The following VWA2 variants were observed in gnomAD, a reference collection of about 807,000 sequenced individuals.
VWA2 encodes the protein von Willebrand factor A domain-containing protein 2.
VWA2 carries 73 observed loss-of-function variants against 70.4 expected under a neutral mutation model. The ratio of observed to expected loss-of-function variants is 1.04; its 90% CI spans 0.86 to 1.26. The LOEUF is 1.26. VWA2 is among the 50% of genes most tolerant of loss of function. The pLI is 0.00. For missense variants in VWA2, 1,011 were observed against 998.5 expected, an observed-to-expected ratio of 1.01 and a Z score of -0.17; for synonymous variants, 407 against 423.3, an observed-to-expected ratio of 0.96 and a Z score of 0.47.
At chr10:114,241,701 T>G (rs2036976805) in intron 1 of VWA2, among the ~76,000 whole-genome samples, 1 of 152,148 alleles carries the variant, frequency 6.6e-6, no homozygotes, top group Admixed American at 6.5e-5. Context: ...CTTAATAATT[T>G]TTACTGGGTA....
intron 13 of VWA2, 140 bp from the exon 14 acceptor site, chr10:114,291,078 G>T: frequency 1.0e-6 from 1 of 969,710 alleles, no homozygotes; most frequent in Non-Finnish European, 1.6e-6. Context: ...ATCACATGGG[G>T]TCTCTAATCT....
chr10:114,243,267 T>C (rs1207806170), intron 1 of VWA2, among the ~76,000 whole-genome samples: 4 of 152,210 alleles, frequency 2.6e-5, no homozygotes, highest in Non-Finnish European at 5.9e-5. Context: ...GCATGTTGCT[T>C]ATTTCTTGGT....
chr10:114,263,626 C>T (rs1589752255), intron 5 of VWA2, among the ~76,000 whole-genome samples: 1 of 151,938 alleles, frequency 6.6e-6, no homozygotes, highest in Non-Finnish European at 1.5e-5. Flanking sequence ...TGTGAGCCAC[C>T]GTGCCTGGCC....
chr10:114,245,329 ATGTGGCAGGAACCTTC>A (rs543066509), intron 1 of VWA2, among the ~76,000 whole-genome samples: 149 of 152,282 alleles, frequency 9.8e-4, no homozygotes, highest in African/African-American at 3.5e-3. Context: ...GTGCCTTCCT[ATGTGGCAGGAACCTTC>A]TGTACTTCCT....
chr10:114,266,321 G>A (rs924504308), intron 5 of VWA2, among the ~76,000 whole-genome samples: 39 of 151,896 alleles, frequency 2.6e-4, no homozygotes, highest in African/African-American at 9.0e-4. Context: ...ATTAAACTTT[G>A]TAGGTACGTA....
At chr10:114,253,502 T>C in intron 2 of VWA2, 149 bp from the exon 3 acceptor site, 1 of 684,818 alleles carries the variant, frequency 1.5e-6, no homozygotes, top group Non-Finnish European at 2.6e-6. Flanking sequence ...ATGTTATCCG[T>C]CTGGTAATTT....
intron 5 of VWA2, among the ~76,000 whole-genome samples, chr10:114,272,397 A>T (rs577382969): frequency 6.6e-6 from 1 of 150,890 alleles, no homozygotes; most frequent in Non-Finnish European, 1.5e-5. Context: ...TGTAACAAGA[A>T]GATGATGCAG....
intron 2 of VWA2, among the ~76,000 whole-genome samples, chr10:114,250,817 C>G (rs1174230376): frequency 1.3e-5 from 2 of 152,240 alleles, no homozygotes; most frequent in Non-Finnish European, 2.9e-5. Flanking sequence ...CTCTGGAGTC[C>G]TGGGCACAGT....
At chr10:114,255,644 C>A (rs965188689) in intron 4 of VWA2, among the ~76,000 whole-genome samples, 1 of 152,236 alleles carries the variant, frequency 6.6e-6, no homozygotes, top group Non-Finnish European at 1.5e-5. Flanking sequence ...CCTACCCTCT[C>A]TTGCACTTGA....
At chr10:114,240,356 A>G (rs145075765) in intron 1 of VWA2, among the ~76,000 whole-genome samples, 1 of 152,290 alleles carries the variant, frequency 6.6e-6, no homozygotes, top group East Asian at 1.9e-4. Flanking sequence ...TTGAACCTTG[A>G]AAACTTGCTG....
intron 5 of VWA2, among the ~76,000 whole-genome samples, chr10:114,268,764 G>A (rs1412757482): frequency 1.3e-5 from 2 of 150,046 alleles, no homozygotes; most frequent in Admixed American, 1.3e-4. Context: ...GCGCGATCTT[G>A]GCTCACTGCA....
At chr10:114,261,915 C>T (rs546720596) in intron 5 of VWA2, among the ~76,000 whole-genome samples, 1 of 152,242 alleles carries the variant, frequency 6.6e-6, no homozygotes, top group South Asian at 2.1e-4. Context: ...GTAAGGGCCT[C>T]AGGAAGCTTC....
At chr10:114,259,949 C>A (rs2037408816) in intron 4 of VWA2, among the ~76,000 whole-genome samples, 1 of 152,208 alleles carries the variant, frequency 6.6e-6, no homozygotes. Flanking sequence ...GGAGCAGATG[C>A]AGCCCGCCTG....
intron 1 of VWA2, among the ~76,000 whole-genome samples, chr10:114,247,306 T>G (rs2037093124): frequency 6.6e-6 from 1 of 152,210 alleles, no homozygotes; most frequent in South Asian, 2.1e-4. Flanking sequence ...CTAGTCATCT[T>G]TAACCACTTA....
chr10:114,285,213 A>G (rs2133540285), intron 10 of VWA2, among the ~76,000 whole-genome samples: 1 of 152,292 alleles, frequency 6.6e-6, no homozygotes, highest in Middle Eastern at 3.4e-3. Context: ...CAGAATGGTC[A>G]CTGCTTGAAG....
intron 5 of VWA2, among the ~76,000 whole-genome samples, chr10:114,269,707 T>C (rs1177648841): frequency 6.6e-6 from 1 of 152,082 alleles, no homozygotes; most frequent in Admixed American, 6.5e-5. Context: ...GAAAAGAGTA[T>C]GGGGAACAAG....
In VWA2 at chr10:114,289,465, G is replaced by C; in HGVS notation, c.2098G>C (p.Val700Leu). Residue 700 changes from valine (V) to leucine (L), a missense_variant, in exon 12 of 14, where the codon GTG (valine) becomes CTG (leucine). Coordinates refer to ENST00000392982, the MANE Select transcript of VWA2 (RefSeq NM_001272046.2). ...CGCCGACCTGCGGTACCACCAGGAC[G>C]TGCTCATTGAGTGGCTGTGTGGAGG... The part of the protein sequence containing the change: ...AYADLRYHQD[V>L]LIEWLCGEAK... 1 of 1,614,224 alleles carries C rather than the reference G, an allele frequency of 6.2e-7. No homozygotes were observed. The highest frequency in any genetic ancestry group is 1.1e-5 in the South Asian group (1 of 91,088).
At chr10:114,249,495 A>G (rs994800113) in intron 2 of VWA2, among the ~76,000 whole-genome samples, 1 of 152,092 alleles carries the variant, frequency 6.6e-6, no homozygotes, top group African/African-American at 2.4e-5. Context: ...ACCTCAGGTG[A>G]TCTGACCGTC....
At chr10:114,277,364 A>T (rs747355910) in intron 6 of VWA2, among the ~76,000 whole-genome samples, 1 of 151,234 alleles carries the variant, frequency 6.6e-6, no homozygotes, top group African/African-American at 2.4e-5. Flanking sequence ...TTGTATTTTT[A>T]GTAGAGATGG....
Sources: gnomAD v4.1 joint callset for allele counts (sites outside exome capture counted in the v4.1 genomes callset) on GRCh38, gnomAD v4.1.1 for gene constraint, MANE v1.5 for transcripts, NCBI Gene and HGNC (gene_info 2026-07-23, HGNC 2026-07-21) for gene names.